Variants in MBD5 observed in about 807,000 individuals in gnomAD.
MBD5 encodes methyl-CpG binding domain protein 5, also known as methyl-CpG-binding domain protein 5.
MBD5 carries 13 observed loss-of-function variants against 117.3 expected under a neutral mutation model. The ratio of observed to expected loss-of-function variants is 0.11; its 90% CI spans 0.07 to 0.18. The LOEUF (loss-of-function observed/expected upper bound fraction) is 0.18. MBD5 is among the 10% of genes least tolerant of loss of function. MBD5 has a pLI of 1.00. For missense variants in MBD5, 1,879 were observed against 2,093.8 expected, an observed-to-expected ratio of 0.90 and a Z score of 2.00; for synonymous variants, 727 against 766.4, an observed-to-expected ratio of 0.95 and a Z score of 0.85.
chr2:148,080,832 A>G (rs1377953154), intron 1 of MBD5, among the ~76,000 whole-genome samples: 1 of 152,208 alleles, frequency 6.6e-6, no homozygotes, highest in Non-Finnish European at 1.5e-5. Flanking sequence ...AAGCAAATGT[A>G]TGGAAATTCT....
intron 3 of MBD5, among the ~76,000 whole-genome samples, chr2:148,320,326 TTTG>T (rs958558969): frequency 7.9e-5 from 12 of 151,730 alleles, no homozygotes; most frequent in Admixed American, 6.6e-4. Flanking sequence ...GGAGTTTGGG[TTTG>T]TTGTTGTTGT....
rs1391764819 is a variant in MBD5, at chr2:148,039,933, GT to G, written c.-925+18252del. Among the ~76,000 whole-genome samples, 14 of 152,224 alleles carry G rather than the reference GT, an allele frequency of 9.2e-5. No individual in the cohort carries two copies. The East Asian group carries it at 2.7e-3, about 29-fold the overall frequency. On this transcript the variant is annotated intron_variant, in intron 1 of 13. Coordinates refer to ENST00000642680, the MANE Select transcript of MBD5 (RefSeq NM_001378120.1). ...TTATTTTGTAAAAGGGAATGCTGTG[GT>G]TTGTAATACTAGGCTATTGTCTAGT...
At position 148,021,439 on chromosome 2, in the gene MBD5, A is replaced by G; in HGVS notation, c.-1170A>G. 2 of 562,362 alleles carry G rather than the reference A, an allele frequency of 3.6e-6. No individual in the cohort carries two copies. The highest frequency in any genetic ancestry group is 3.0e-5 in the South Asian group (2 of 65,788). The allele number at this position is 562,362 out of a possible 1,614,324, so 34.8% of individuals were successfully genotyped here. On this transcript the variant is annotated 5_prime_UTR_variant, in exon 1 of 14. Coordinates refer to ENST00000642680, the MANE Select transcript of MBD5 (RefSeq NM_001378120.1). ...AGAAAGAAACCAAAAGCCTCTTAGC[A>G]ACACAGACCCTTTGCTGCTGCTGTT... is the stretch of plus-strand genomic sequence containing the variant.
At chr2:148,239,013 ATT>A (rs1558986058) in intron 3 of MBD5, among the ~76,000 whole-genome samples, 2 of 75,340 alleles carry the variant, frequency 2.7e-5, no homozygotes, top group Non-Finnish European at 3.1e-5. Context: ...ATATATATAT[ATT>A]ATATACACAC....
intron 4 of MBD5, among the ~76,000 whole-genome samples, chr2:148,401,286 G>C (rs1195394547): frequency 1.3e-5 from 2 of 151,904 alleles, no homozygotes; most frequent in Admixed American, 1.3e-4. Context: ...GAAATCTTGC[G>C]GAGTTCAGCA....
intron 1 of MBD5, among the ~76,000 whole-genome samples, chr2:148,132,672 G>A (rs996687212): frequency 6.6e-6 from 1 of 152,118 alleles, no homozygotes; most frequent in Non-Finnish European, 1.5e-5. Context: ...ACTTATGCAG[G>A]AGTGAAAGTG....
At chr2:148,064,142 T>C (rs1318566253) in intron 1 of MBD5, among the ~76,000 whole-genome samples, 2 of 148,902 alleles carry the variant, frequency 1.3e-5, no homozygotes, top group African/African-American at 5.0e-5. Context: ...TTTTTTTTTT[T>C]TGAGACAGAG....
chr2:148,040,766 T>C (rs1694333842), intron 1 of MBD5, among the ~76,000 whole-genome samples: 1 of 152,194 alleles, frequency 6.6e-6, no homozygotes, highest in Non-Finnish European at 1.5e-5. Context: ...GTTTTTCTCC[T>C]AGGTCTGGAA....
chr2:148,175,472 A>G (rs1698362695), intron 1 of MBD5, among the ~76,000 whole-genome samples: 4 of 152,192 alleles, frequency 2.6e-5, no homozygotes, highest in Admixed American at 2.6e-4. Context: ...GCACAGGAAT[A>G]ATAGAATGTA....
intron 4 of MBD5, among the ~76,000 whole-genome samples, chr2:148,389,588 A>G (rs901170747): frequency 1.3e-5 from 2 of 151,822 alleles, no homozygotes; most frequent in Non-Finnish European, 2.9e-5. Context: ...ATCCTCACCA[A>G]CGTCTGTTAT....
chr2:148,203,092 G>A (rs1372654116), intron 2 of MBD5, among the ~76,000 whole-genome samples: 5 of 138,786 alleles, frequency 3.6e-5, no homozygotes, highest in East Asian at 2.1e-4. Flanking sequence ...GCAACATCAC[G>A]AGACTCCATC....
At chr2:148,478,236 A>G (rs1202597126) in intron 8 of MBD5, among the ~76,000 whole-genome samples, 2 of 152,236 alleles carry the variant, frequency 1.3e-5, no homozygotes, top group Non-Finnish European at 2.9e-5. Context: ...GTACACACAT[A>G]TGCATATACA....
intron 4 of MBD5, among the ~76,000 whole-genome samples, chr2:148,456,028 C>G (rs1281686313): frequency 6.6e-6 from 1 of 152,110 alleles, no homozygotes; most frequent in Non-Finnish European, 1.5e-5. Flanking sequence ...AGGGATTGAC[C>G]CGTCCTAACT....
chr2:148,426,049 CA>C (rs1705771729), intron 4 of MBD5, among the ~76,000 whole-genome samples: 1 of 152,104 alleles, frequency 6.6e-6, no homozygotes, highest in East Asian at 1.9e-4. Flanking sequence ...CTCCCATTCA[CA>C]ATTGCTTCAA....
chr2:148,368,823 T>C (rs1440320824), intron 4 of MBD5, among the ~76,000 whole-genome samples: 1 of 152,136 alleles, frequency 6.6e-6, no homozygotes, highest in Non-Finnish European at 1.5e-5. Flanking sequence ...AAAATGATTT[T>C]ATAACTCTAT....
At chr2:148,065,811 G>A (rs920514047) in intron 1 of MBD5, among the ~76,000 whole-genome samples, 15 of 152,284 alleles carry the variant, frequency 9.9e-5, no homozygotes, top group Admixed American at 7.2e-4. Flanking sequence ...AAGATAGGAA[G>A]ATTATTTATG....
chr2:148,234,401 T>C (rs1385877315), intron 3 of MBD5, among the ~76,000 whole-genome samples: 1 of 152,170 alleles, frequency 6.6e-6, no homozygotes, highest in Non-Finnish European at 1.5e-5. Context: ...AAGCCCAGTG[T>C]AGAGATTCTG....
intron 1 of MBD5, among the ~76,000 whole-genome samples, chr2:148,102,684 C>CACAG (rs1186922146): frequency 2.8e-4 from 40 of 145,300 alleles, no homozygotes; most frequent in African/African-American, 9.5e-4. Context: ...CACACACACA[C>CACAG]AGAGAGAGAG....
rs562639541 is a variant in MBD5, at chr2:148,046,271, T to C, written c.-925+24587T>C. Among the ~76,000 whole-genome samples the C allele has an allele frequency of 2.1e-3, 326 of 152,234 alleles. 1 individual carries two copies. Among genetic ancestry groups the C allele is most frequent in the Non-Finnish European group, 3.9e-3 (265 of 68,000 alleles). On this transcript the variant is annotated intron_variant, in intron 1 of 13. Transcript: ENST00000642680. ...TGCTGGGATTACAGGCATGAGCCACTGCACCCAACCTTAATGAAGGCTTTT... is the reference window on the plus strand; with the variant it reads ...TGCTGGGATTACAGGCATGAGCCACCGCACCCAACCTTAATGAAGGCTTTT...
Sources: gnomAD v4.1 joint callset for allele counts (sites outside exome capture counted in the v4.1 genomes callset) on GRCh38, gnomAD v4.1.1 for gene constraint, MANE v1.5 for transcripts, NCBI Gene and HGNC (gene_info 2026-07-23, HGNC 2026-07-21) for gene names.